The following ARHGEF17 variants were observed in gnomAD, a reference collection of about 807,000 sequenced individuals.
ARHGEF17 encodes Rho guanine nucleotide exchange factor 17, also known as 164 kDa Rho-specific guanine-nucleotide exchange factor.
In ARHGEF17, 80 loss-of-function variants were observed where a neutral mutation model predicts 174.0. The observed-to-expected ratio is 0.46, with a 90% CI of 0.38 to 0.55. The LOEUF (loss-of-function observed/expected upper bound fraction) is 0.55. Ranked by LOEUF, ARHGEF17 falls within the 20% of genes least tolerant of loss-of-function variation. ARHGEF17 has a pLI of 0.00. For missense variants in ARHGEF17, 2,886 were observed against 2,839.7 expected (o/e 1.02, Z -0.37); for synonymous variants, 1,311 against 1,189.1 (o/e 1.10, Z -2.11).
Position 73,316,187 on chromosome 11 carries a change from G to A in ARHGEF17, c.3192+4357G>A, listed in dbSNP as rs142983117. ...ATGAAGAGGGCACAGCATGAGCAGA[G>A]GCTAGGAGATGGAAAGAAATATGGC... On this transcript the variant is annotated intron_variant, in intron 1 of 20. Transcript: ENST00000263674. Among the ~76,000 whole-genome samples the A allele has an allele frequency of 7.2e-5, 11 of 152,362 alleles. No homozygotes were observed. In the East Asian group the frequency reaches 2.1e-3, roughly 29 times the overall value.
At chr11:73,329,495 G>A (rs190570459) in intron 1 of ARHGEF17, among the ~76,000 whole-genome samples, 138 of 149,024 alleles carry the variant, frequency 9.3e-4, no homozygotes, top group African/African-American at 3.3e-3. Context: ...TGCCTCCCAG[G>A]TTCAAGCAAT....
At chr11:73,366,043 A>G (rs1865832112) in intron 20 of ARHGEF17, 96 bp downstream of exon 20, 1 of 1,463,694 alleles carries the variant, frequency 6.8e-7, no homozygotes, top group Non-Finnish European at 9.2e-7. Flanking sequence ...AGGGAGGAAA[A>G]GTGTCACATA....
At chr11:73,362,876 G>A (rs996705781) in intron 14 of ARHGEF17, 142 bp downstream of exon 14, 3 of 1,110,748 alleles carry the variant, frequency 2.7e-6, no homozygotes, top group Non-Finnish European at 3.8e-6. Context: ...GAGGGCAGGG[G>A]ATGTGACACC....
intron 1 of ARHGEF17, among the ~76,000 whole-genome samples, chr11:73,312,948 G>A (rs547655790): frequency 2.0e-5 from 3 of 152,320 alleles, no homozygotes; most frequent in East Asian, 1.9e-4. Flanking sequence ...TGGCATCTGG[G>A]TTGGGAGCTA....
chr11:73,314,836 C>T (rs1864902995), intron 1 of ARHGEF17, among the ~76,000 whole-genome samples: 1 of 152,140 alleles, frequency 6.6e-6, no homozygotes, highest in Admixed American at 6.5e-5. Flanking sequence ...CCGCCCCAGC[C>T]TCAAAGTGCA....
rs557627806 is a variant in ARHGEF17, at chr11:73,359,495, G to C, written c.4088-339G>C. 2.0e-5 allele frequency among the ~76,000 whole-genome samples: 3 copies of C among 152,336 alleles called. No individual in the cohort carries two copies. The South Asian group carries it at 6.2e-4, about 32-fold the overall frequency. On this transcript the variant is annotated intron_variant, in intron 9 of 20. Coordinates refer to ENST00000263674, the MANE Select transcript of ARHGEF17 (RefSeq NM_014786.4). ...TGCCTGCTCTGTCAGCACGCCCACG[G>C]GAGGCTGCAACGCCGCAGCAGTTCC...
intron 1 of ARHGEF17, 31 bp downstream of exon 1, chr11:73,311,861 G>C: frequency 6.4e-7 from 1 of 1,562,096 alleles, no homozygotes; most frequent in African/African-American, 1.4e-5. Context: ...TTCAGATTGG[G>C]GCCAAAGAAG....
rs746119368 is a variant in ARHGEF17 at position 73,311,139 on chromosome 11, G to A, written c.2501G>A (p.Arg834His). The A allele has an allele frequency of 6.9e-6, 11 of 1,598,526 alleles. No individual in the cohort carries two copies. Among genetic ancestry groups the A allele is most frequent in the African/African-American group, 4.0e-5 (3 of 74,536 alleles). ...KKKSLSDPSR[R>H]GELAGPGFEG... ...AAATCCCTGAGTGACCCCAGCCGCC[G>A]TGGGGAGCTGGCTGGGCCTGGATTC... The change falls in exon 1 of 21, where the codon CGT (arginine) becomes CAT (histidine). Residue 834 changes from arginine (R) to histidine (H), a missense_variant. By Grantham distance (29) the Arg-to-His change is conservative (BLOSUM62 0). Transcript: ENST00000263674.
intron 7 of ARHGEF17, 48 bp downstream of exon 7, chr11:73,356,807 T>A: frequency 1.2e-6 from 2 of 1,612,680 alleles, no homozygotes; most frequent in Non-Finnish European, 1.7e-6. Flanking sequence ...CTCCTCACTT[T>A]GTCCTCTCTT....
rs1469137410 is a variant in ARHGEF17 at position 73,361,913 on chromosome 11, A to G, written c.4495-127A>G. ...TGTACGCGTGTGTAGAAGGGTGTATAGGGCATCCACACACACACACCCATG... is the reference window on the plus strand; with the variant it reads ...TGTACGCGTGTGTAGAAGGGTGTATGGGGCATCCACACACACACACCCATG... On this transcript the variant is annotated intron_variant, in intron 12 of 20. Coordinates refer to ENST00000263674, the MANE Select transcript of ARHGEF17 (RefSeq NM_014786.4). 2.9e-6 allele frequency: 3 copies of G among 1,044,886 alleles called. No individual in the cohort carries two copies. In the African/African-American group the frequency reaches 6.4e-5, roughly 22 times the overall value. The allele number at this position is 1,044,886 out of a possible 1,614,324, so 64.7% of individuals were successfully genotyped here. A position where few individuals can be genotyped will look rare whatever the true frequency, so the allele number is the denominator to read the frequency against.
intron 7 of ARHGEF17, 38 bp from the exon 8 acceptor site, chr11:73,356,987 G>C (rs1865653543): frequency 6.2e-7 from 1 of 1,605,126 alleles, no homozygotes; most frequent in Admixed American, 1.7e-5. Flanking sequence ...CTTCTGGACT[G>C]TGTCCACCCA....
rs1864729692 is a variant in ARHGEF17, at chr11:73,308,553, G to T, written c.-86G>T. On this transcript the variant is annotated 5_prime_UTR_variant, in exon 1 of 21. Coordinates refer to ENST00000263674, the MANE Select transcript of ARHGEF17 (RefSeq NM_014786.4). The stretch of plus-strand genomic sequence containing the variant: ...CTCCCGTGCGCTGCTTTCGGCGTGG[G>T]CCGCTGCGCTCCTAGGGAGTGGGGG... 8.3e-7 allele frequency: 1 copy of T among 1,201,778 alleles called. No individual in the cohort carries two copies. Among genetic ancestry groups the T allele is most frequent in the African/African-American group, 1.6e-5 (1 of 62,244 alleles). The allele number at this position is 1,201,778 out of a possible 1,614,324, so 74.4% of individuals were successfully genotyped here. A position where few individuals can be genotyped will look rare whatever the true frequency, so the allele number is the denominator to read the frequency against.
intron 1 of ARHGEF17, among the ~76,000 whole-genome samples, chr11:73,323,692 G>T (rs1296669359): frequency 6.6e-6 from 1 of 152,248 alleles, no homozygotes; most frequent in Non-Finnish European, 1.5e-5. Flanking sequence ...GGCCAGCGGG[G>T]GCGTTGCCTG....
In ARHGEF17 at chr11:73,327,333, C is replaced by T. The variant is rs184006539; in HGVS notation, c.3192+15503C>T. On this transcript the variant is annotated intron_variant, in intron 1 of 20. Transcript: ENST00000263674. ...CAGTGGACAGGCAGGAGCACATTCTCTAGAGGTCCAGGAATCGTCCTGACT... is the reference window on the plus strand; with the variant it reads ...CAGTGGACAGGCAGGAGCACATTCTTTAGAGGTCCAGGAATCGTCCTGACT... Among the ~76,000 whole-genome samples the T allele has an allele frequency of 2.9e-4, 44 of 152,338 alleles. No homozygotes were observed. In the East Asian group the frequency reaches 8.1e-3, roughly 28 times the overall value.
In ARHGEF17 at chr11:73,310,354, G is replaced by A; in HGVS notation, c.1716G>A (p.Leu572=). Reference sequence around the variant, plus strand: ...TGAAGTCCAGCTCCTCCGAGCTCCTGCTCACAGGCCCTGGTGCCGAGGAGG... The same window carrying A: ...TGAAGTCCAGCTCCTCCGAGCTCCTACTCACAGGCCCTGGTGCCGAGGAGG... ...SALKSSSSEL[L]LTGPGAEEDP... is the part of the protein sequence containing the mutation. Residue 572 remains leucine, a synonymous_variant, in exon 1 of 21, where the codon CTG becomes CTA. Transcript: ENST00000263674. The A allele has an allele frequency of 6.2e-7, 1 of 1,613,844 alleles. No homozygotes were observed.
intron 1 of ARHGEF17, among the ~76,000 whole-genome samples, chr11:73,329,350 TATATATATATA>T (rs1865157535): frequency 2.4e-5 from 1 of 42,374 alleles, no homozygotes; most frequent in African/African-American, 2.0e-4. Context: ...TATATATATA[TATATATATATA>T]TATATATATA....
Position 73,309,924 on chromosome 11 carries a change from G to C in ARHGEF17, c.1286G>C (p.Arg429Pro). The stretch of plus-strand genomic sequence containing the variant: ...TTTGGAGCTGGGGAAGGGCTCCTGC[G>C]GTCCCAGGCTCGAACCCGTGCCAAA... The part of the protein sequence containing the change: ...PSFGAGEGLL[R>P]SQARTRAKGP... Residue 429 changes from arginine to proline, a missense_variant, in exon 1 of 21, where the codon CGG becomes CCG. Coordinates refer to ENST00000263674, the MANE Select transcript of ARHGEF17 (RefSeq NM_014786.4). The C allele has an allele frequency of 6.8e-6, 11 of 1,613,382 alleles. No homozygotes were observed. Among genetic ancestry groups the C allele is most frequent in the Non-Finnish European group, 8.5e-6 (10 of 1,179,780 alleles).
At chr11:73,339,652 T>C (rs570624688) in intron 1 of ARHGEF17, among the ~76,000 whole-genome samples, 1 of 152,120 alleles carries the variant, frequency 6.6e-6, no homozygotes, top group South Asian at 2.1e-4. Flanking sequence ...CCCTCAGAGA[T>C]GGGGAAGTTG....
At chr11:73,347,917 G>T (rs1350820396) in intron 2 of ARHGEF17, among the ~76,000 whole-genome samples, 1 of 152,186 alleles carries the variant, frequency 6.6e-6, no homozygotes, top group Admixed American at 6.5e-5. Context: ...GTTGGTTGTG[G>T]GGGGCAAGGT....
Sources: gnomAD v4.1 joint callset for allele counts (sites outside exome capture counted in the v4.1 genomes callset) on GRCh38, gnomAD v4.1.1 for gene constraint, MANE v1.5 for transcripts, NCBI Gene and HGNC (gene_info 2026-07-23, HGNC 2026-07-21) for gene names.